Variants in NRTN observed in about 807,000 individuals in gnomAD.
NRTN encodes prepro-neurturin.
A neutral mutation model predicts 7.5 loss-of-function variants in NRTN; 3 were observed. That is an observed-to-expected ratio of 0.40 (90% CI 0.18 to 1.03). The LOEUF is 1.03. Among genes scored for constraint, NRTN ranks in the 50% least tolerant of loss-of-function variants. The probability of loss-of-function intolerance (pLI) is 0.34; values close to 1 mark genes in which losing one functional copy is unlikely to be tolerated. For missense variants in NRTN, 310 were observed against 307.0 expected (o/e 1.01, Z -0.07); for synonymous variants, 157 against 146.6 (o/e 1.07, Z -0.51).
At chr19:5,827,240 A>G (rs2057049823) in intron 2 of NRTN, among the ~76,000 whole-genome samples, 2 of 152,092 alleles carry the variant, frequency 1.3e-5, no homozygotes, top group Admixed American at 6.5e-5. Flanking sequence ...AACCTCACTA[A>G]AGAGGGATAG....
intron 2 of NRTN, among the ~76,000 whole-genome samples, chr19:5,825,156 G>C (rs924423162): frequency 6.6e-6 from 1 of 152,086 alleles, no homozygotes; most frequent in Non-Finnish European, 1.5e-5. Flanking sequence ...GAGGAGAGAC[G>C]GGGCTGGGGG....
rs375661848 is a variant in NRTN at position 5,824,410 on chromosome 19, GT to G, written c.169+77del. The G allele has an allele frequency of 2.1e-4, 133 of 648,216 alleles. No individual in the cohort carries two copies. The Middle Eastern group carries it at 2.4e-3, about 12-fold the overall frequency. The allele number at this position is 648,216 out of a possible 1,614,324, so 40.2% of individuals were successfully genotyped here. ...ATTTCAGGCAGTGGAGTGGGAGGTG[GT>G]GGGGGGGTGTCATAGGTTTTTTAAA... On this transcript the variant is annotated intron_variant, in intron 2 of 2. Coordinates refer to ENST00000303212, the MANE Select transcript of NRTN (RefSeq NM_004558.5).
At chr19:5,814,242 C>CACAG (rs140598402) in intron 1 of NRTN, among the ~76,000 whole-genome samples, 6,881 of 152,206 alleles carry the variant, frequency 0.045, 513 homozygotes, top group African/African-American at 0.16. Flanking sequence ...CAGTCATGGG[C>CACAG]ACAGACACCA....
intron 1 of NRTN, among the ~76,000 whole-genome samples, chr19:5,816,441 C>T (rs940066309): frequency 1.3e-5 from 2 of 152,094 alleles, no homozygotes; most frequent in African/African-American, 4.8e-5. Context: ...TGCAGTGGTG[C>T]AGTCTCGGCT....
chr19:5,828,238 C>A lies in NRTN; in HGVS notation c.*65C>A. On this transcript the variant is annotated 3_prime_UTR_variant, in exon 3 of 3. Transcript: ENST00000303212. ...CCTCGACGGCACCACTGGCCGGCCC[C>A]GCGAAAGACTGCGCGTGCGTAGAGC... 6.7e-7 allele frequency: 1 copy of A among 1,497,546 alleles called. No individual in the cohort carries two copies. The highest frequency in any genetic ancestry group is 2.1e-5 in the Admixed American group (1 of 48,170). The allele number at this position is 1,497,546 out of a possible 1,614,324, so 92.8% of individuals were successfully genotyped here. A position where few individuals can be genotyped will look rare whatever the true frequency, so the allele number is the denominator to read the frequency against.
intron 1 of NRTN, among the ~76,000 whole-genome samples, chr19:5,815,789 G>A (rs1476266087): frequency 3.5e-5 from 5 of 144,380 alleles, no homozygotes; most frequent in Admixed American, 2.9e-4. Flanking sequence ...CTATTGCCCA[G>A]GCTGGAGTGC....
rs80040170 is a variant in NRTN at position 5,806,719 on chromosome 19, A to G, written c.-399+1268A>G. On this transcript the variant is annotated intron_variant, in intron 1 of 2. Transcript: ENST00000303212. The surrounding 1 kb of genome is among the most constrained non-coding windows in gnomAD (Gnocchi z 5.4). The stretch of plus-strand genomic sequence containing the variant: ...TACAGAAAGCTTCTTCCAGGGGTGC[A>G]GGGAAGAAAATAAAACATTCCCCTC... 9.6e-4 allele frequency among the ~76,000 whole-genome samples: 146 copies of G among 152,246 alleles called. No individual in the cohort carries two copies. The highest frequency in any genetic ancestry group is 1.0e-3 in the Non-Finnish European group (68 of 68,006).
chr19:5,813,437 C>T (rs565533354), intron 1 of NRTN, among the ~76,000 whole-genome samples: 2 of 151,296 alleles, frequency 1.3e-5, no homozygotes, highest in South Asian at 2.1e-4. Flanking sequence ...TTTGGGAGGC[C>T]GAAGCGAGCG....
chr19:5,827,321 G>T (rs1184473588), intron 2 of NRTN, among the ~76,000 whole-genome samples: 2 of 151,234 alleles, frequency 1.3e-5, no homozygotes, highest in Non-Finnish European at 2.9e-5. Context: ...CCAGCATAGG[G>T]GCGGGGTCCA....
rs1243773727 is a variant in NRTN, at chr19:5,827,839, C to A, written c.260C>A (p.Ala87Glu). The A allele has an allele frequency of 1.7e-6, 2 of 1,166,286 alleles. No homozygotes were observed. Among genetic ancestry groups the A allele is most frequent in the Non-Finnish European group, 2.1e-6 (2 of 949,592 alleles). The allele number at this position is 1,166,286 out of a possible 1,614,324, so 72.2% of individuals were successfully genotyped here. ...AGRPPGPRRR[A>E]GPRRRRARAR... ...CGGCCCCCAGGTCCGCGCCGTCGGG[C>A]GGGGCCCCGGCGGCGGCGCGCGCGT... Residue 87 changes from alanine to glutamate, a missense_variant, in exon 3 of 3, where the codon GCG (alanine) becomes GAG (glutamate). Ala to Glu is a moderately radical substitution (Grantham distance 107). Transcript: ENST00000303212.
rs2057035089 is a variant in NRTN, at chr19:5,823,877, C to T, written c.-289C>T. The T allele has an allele frequency of 7.1e-5, 39 of 547,344 alleles. 2 individuals are homozygous for T. In the Middle Eastern group the frequency reaches 2.0e-3, roughly 27 times the overall value. The allele number at this position is 547,344 out of a possible 1,614,324, so 33.9% of individuals were successfully genotyped here. ...TGCCTGTGATGCCATTCTCCTCTGC[C>T]TGGCCAACTCCTACGTTTATTCAAG... On this transcript the variant is annotated 5_prime_UTR_variant, in exon 2 of 3. Coordinates refer to ENST00000303212, the MANE Select transcript of NRTN (RefSeq NM_004558.5).
At chr19:5,820,737 AG>A (rs1189098250) in intron 1 of NRTN, among the ~76,000 whole-genome samples, 1,185 of 48,334 alleles carry the variant, frequency 0.025, 137 homozygotes, top group African/African-American at 0.051. Flanking sequence ...CTCTGTCTCA[AG>A]AAAAAAAAAA....
At chr19:5,812,306 A>G (rs933243272) in intron 1 of NRTN, among the ~76,000 whole-genome samples, 1 of 152,168 alleles carries the variant, frequency 6.6e-6, no homozygotes, top group Non-Finnish European at 1.5e-5. Context: ...AGAGTCCCTC[A>G]AGACAAGCTC....
At chr19:5,817,923 C>T (rs1014359087) in intron 1 of NRTN, among the ~76,000 whole-genome samples, 2 of 152,118 alleles carry the variant, frequency 1.3e-5, no homozygotes, top group African/African-American at 2.4e-5. Context: ...CCTCAGCCTC[C>T]CGAGTAGCTG....
At chr19:5,823,727 A>C in intron 1 of NRTN, 41 bp from the exon 2 acceptor site, 1 of 302,724 alleles carries the variant, frequency 3.3e-6, no homozygotes, top group Non-Finnish European at 6.4e-6. Flanking sequence ...ACCTGCCGGG[A>C]ATGACCTCTC....
chr19:5,808,477 A>G (rs868486035), intron 1 of NRTN, among the ~76,000 whole-genome samples: 2 of 152,166 alleles, frequency 1.3e-5, no homozygotes, highest in Non-Finnish European at 2.9e-5. Flanking sequence ...TGGTGGGTCT[A>G]AGAAGCTGGC....
At chr19:5,807,625 C>G (rs2056978390) in intron 1 of NRTN, among the ~76,000 whole-genome samples, 1 of 152,218 alleles carries the variant, frequency 6.6e-6, no homozygotes, top group Admixed American at 6.5e-5. Flanking sequence ...CAAATGAAAT[C>G]AGGCTTCAGG....
intron 1 of NRTN, among the ~76,000 whole-genome samples, chr19:5,819,305 T>C (rs2057015551): frequency 6.6e-6 from 1 of 152,154 alleles, no homozygotes; most frequent in African/African-American, 2.4e-5. Context: ...GGCAGGAGGC[T>C]CGCTTGAGCC....
chr19:5,816,532 C>T (rs1348830352), intron 1 of NRTN, among the ~76,000 whole-genome samples: 1 of 152,158 alleles, frequency 6.6e-6, no homozygotes, highest in Non-Finnish European at 1.5e-5. Flanking sequence ...GCATCTGCCA[C>T]CATGACTGGC....
Sources: allele counts gnomAD v4.1 joint callset (sites outside exome capture counted in the v4.1 genomes callset), GRCh38; gene constraint gnomAD v4.1.1; non-coding constraint Gnocchi (gnomAD v3.1); transcripts MANE v1.5; gene names NCBI Gene and HGNC (gene_info 2026-07-23, HGNC 2026-07-21).